DAB1: variants seen among roughly 807,000 people sequenced by gnomAD.
DAB1 encodes DAB adaptor protein 1.
A neutral mutation model predicts 64.6 loss-of-function variants in DAB1; 15 were observed. The observed-to-expected ratio is 0.23, with a 90% CI of 0.16 to 0.36. The LOEUF (loss-of-function observed/expected upper bound fraction) is 0.36, where lower values mean the gene tolerates loss of function less well. DAB1 is among the 10% of genes least tolerant of loss of function. The pLI is 1.00. For missense variants in DAB1, 596 were observed against 706.7 expected (o/e 0.84, Z 1.78); for synonymous variants, 235 against 251.9 (o/e 0.93, Z 0.64).
intron 3 of DAB1, among the ~76,000 whole-genome samples, chr1:58,386,049 G>C (rs185877861): frequency 6.6e-6 from 1 of 152,136 alleles, no homozygotes; most frequent in African/African-American, 2.4e-5. Flanking sequence ...CTATCTAAGA[G>C]CGTTTTCGTA....
At chr1:58,436,562 T>A (rs900892666) in intron 3 of DAB1, among the ~76,000 whole-genome samples, 1 of 152,106 alleles carries the variant, frequency 6.6e-6, no homozygotes, top group African/African-American at 2.4e-5. Flanking sequence ...TTCTTAATGG[T>A]CTCCCCTTGG....
At chr1:57,712,040 C>T (rs1647034659) in intron 6 of DAB1, among the ~76,000 whole-genome samples, 1 of 152,060 alleles carries the variant, frequency 6.6e-6, no homozygotes, top group African/African-American at 2.4e-5. Context: ...ATACTACAAA[C>T]ATTTGGAGTT....
chr1:57,003,270 C>G (rs1645938359), intron 14 of DAB1, among the ~76,000 whole-genome samples: 1 of 152,196 alleles, frequency 6.6e-6, no homozygotes, highest in South Asian at 2.1e-4. Context: ...CTACAGCAGC[C>G]AAGTGGACTC....
At chr1:58,419,101 G>A (rs1464877410) in intron 3 of DAB1, among the ~76,000 whole-genome samples, 1 of 152,172 alleles carries the variant, frequency 6.6e-6, no homozygotes, top group Non-Finnish European at 1.5e-5. Context: ...TTTGGCAGAA[G>A]GGCAGTGTGT....
intron 3 of DAB1, among the ~76,000 whole-genome samples, chr1:58,457,367 G>A (rs1645202110): frequency 6.6e-6 from 1 of 152,074 alleles, no homozygotes; most frequent in Admixed American, 6.5e-5. Flanking sequence ...TTTCGGGGAG[G>A]TAGTGAGAAA....
intron 6 of DAB1, among the ~76,000 whole-genome samples, chr1:57,691,755 A>G (rs1646767235): frequency 6.6e-6 from 1 of 152,170 alleles, no homozygotes; most frequent in African/African-American, 2.4e-5. Context: ...AACCCACTGG[A>G]AGGAATAAAT....
intron 7 of DAB1, among the ~76,000 whole-genome samples, chr1:57,542,161 G>A (rs1171367374): frequency 6.6e-6 from 1 of 152,184 alleles, no homozygotes. Flanking sequence ...GCAGCAGCTA[G>A]CTCTCTGGGA....
At chr1:58,458,452 C>T (rs1645211894) in intron 3 of DAB1, among the ~76,000 whole-genome samples, 1 of 152,218 alleles carries the variant, frequency 6.6e-6, no homozygotes, top group Admixed American at 6.5e-5. Context: ...ACTCCAAAAT[C>T]TGTAAGTAAC....
chr1:57,289,729 AAGGGCATCCC>A (rs146330629), intron 2 of DAB1, among the ~76,000 whole-genome samples: 2,240 of 152,314 alleles, frequency 0.015, 46 homozygotes, highest in African/African-American at 0.051. Context: ...CAAAGAAGTC[AAGGGCATCCC>A]AGTTTGCAAG....
rs536224658 is a variant in DAB1, at chr1:58,490,845, G to A, written n.257+15215C>T. 3.8e-4 allele frequency among the ~76,000 whole-genome samples: 42 copies of A among 111,352 alleles called. No individual in the cohort carries two copies. The East Asian group carries it at 9.3e-3, about 25-fold the overall frequency. The allele number at this position is 111,352 out of a possible 152,430, so 73.1% of individuals were successfully genotyped here. On this transcript the variant is annotated intron_variant and non_coding_transcript_variant, in intron 3 of 20. Transcript: ENST00000485760. ...TTTTTTGAGACGGACTCTCGCTCTCGCCCAGGCTGGAGTGCAGTGGCGCGA... is the reference window on the plus strand; with the variant it reads ...TTTTTTGAGACGGACTCTCGCTCTCACCCAGGCTGGAGTGCAGTGGCGCGA...
chr1:57,047,178 T>C (rs1226862545), intron 9 of DAB1, among the ~76,000 whole-genome samples: 1 of 152,204 alleles, frequency 6.6e-6, no homozygotes, highest in Non-Finnish European at 1.5e-5. Flanking sequence ...CAATATCCTT[T>C]ATGGTAGAGA....
chr1:58,007,728 C>T (rs1404428331), intron 5 of DAB1, among the ~76,000 whole-genome samples: 5 of 152,194 alleles, frequency 3.3e-5, no homozygotes, highest in Admixed American at 3.3e-4. Flanking sequence ...TGATAAATAA[C>T]TCCCTCTCCT....
chr1:57,996,838 T>A lies in DAB1; in HGVS notation n.388-112676A>T, dbSNP rs12041093. Among the ~76,000 whole-genome samples, 1,462 of 152,252 alleles carry A rather than the reference T, an allele frequency of 9.6e-3. 45 individuals carry two copies. Among genetic ancestry groups the A allele is most frequent in the East Asian group, 0.083 (432 of 5,178 alleles). On this transcript the variant is annotated intron_variant and non_coding_transcript_variant, in intron 5 of 20. Coordinates refer to the DAB1 transcript ENST00000485760. The stretch of plus-strand genomic sequence containing the variant: ...ATTGTGGATTCTTAGAATTTTCTCT[T>A]CCTTAGTGATTCGTTTTAATGCCAG...
At chr1:58,009,290 G>A (rs761974883) in intron 5 of DAB1, among the ~76,000 whole-genome samples, 12 of 152,010 alleles carry the variant, frequency 7.9e-5, no homozygotes, top group Non-Finnish European at 1.3e-4. Context: ...ATTGCCTCAC[G>A]CTAACCATTT....
At chr1:57,795,690 G>GATTATATATATAT (rs1270547155) in intron 6 of DAB1, among the ~76,000 whole-genome samples, 2 of 69,092 alleles carry the variant, frequency 2.9e-5, no homozygotes, top group African/African-American at 1.1e-4. Context: ...TATGCTTGGA[G>GATTATATATATAT]ATATATATAT....
chr1:57,264,476 A>G (rs1670432484), intron 2 of DAB1, among the ~76,000 whole-genome samples: 1 of 152,236 alleles, frequency 6.6e-6, no homozygotes, highest in Admixed American at 6.5e-5. Flanking sequence ...CATATTTTCA[A>G]GGACAAATTC....
At chr1:58,034,073 C>G (rs1184842057) in intron 5 of DAB1, among the ~76,000 whole-genome samples, 1 of 152,080 alleles carries the variant, frequency 6.6e-6, no homozygotes, top group Admixed American at 6.6e-5. Context: ...TAGAATACAG[C>G]AAAAATGACA....
chr1:57,094,412 C>T (rs1226700165), intron 4 of DAB1, among the ~76,000 whole-genome samples: 2 of 152,142 alleles, frequency 1.3e-5, no homozygotes, highest in African/African-American at 2.4e-5. Flanking sequence ...ATTCAAATTC[C>T]TTTTTTGCTT....
At chr1:57,212,219 G>A (rs957661345) in intron 2 of DAB1, among the ~76,000 whole-genome samples, 2 of 152,022 alleles carry the variant, frequency 1.3e-5, no homozygotes, top group Non-Finnish European at 2.9e-5. Context: ...CCTGTTTTAC[G>A]AATGACCAGA....
Sources: gnomAD v4.1 joint callset for allele counts (sites outside exome capture counted in the v4.1 genomes callset) on GRCh38, gnomAD v4.1.1 for gene constraint, MANE v1.5 for transcripts, NCBI Gene and HGNC (gene_info 2026-07-23, HGNC 2026-07-21) for gene names.